SORCS1: variants seen among roughly 807,000 people sequenced by gnomAD.
SORCS1 encodes VPS10 domain-containing receptor SorCS1.
SORCS1 carries 60 observed loss-of-function variants against 146.1 expected under a neutral mutation model. The ratio of observed to expected loss-of-function variants is 0.41; its 90% CI spans 0.33 to 0.51. The LOEUF is 0.51. Among genes scored for constraint, SORCS1 ranks in the 20% least tolerant of loss-of-function variants. SORCS1 has a pLI of 0.21. For synonymous variants in SORCS1, 637 were observed against 584.0 expected, an observed-to-expected ratio of 1.09 and a Z score of -1.31; for missense variants, 1,352 against 1,487.6, an observed-to-expected ratio of 0.91 and a Z score of 1.50.
chr10:106,671,490 T>A, intron 15 of SORCS1, 123 bp from the exon 16 acceptor site: 2 of 1,364,908 alleles, frequency 1.5e-6, no homozygotes, highest in Non-Finnish European at 2.0e-6. Flanking sequence ...GTAGCCCTCT[T>A]TGTGCTAACA....
chr10:106,612,011 G>C lies in SORCS1; in HGVS notation c.2933C>G (p.Ser978Cys), dbSNP rs1429965465. The change falls in exon 22 of 26, where the codon TCT becomes TGT. Residue 978 changes from serine (S) to cysteine (C), a missense_variant. Coordinates refer to ENST00000263054, the MANE Select transcript of SORCS1 (RefSeq NM_052918.5). ...KTIAVYEEFR[S>C]LRLSFSPNLD... ...GTTTGGAGAAAAGGACAAGCGAAGA[G>C]ACCGGAATTCCTCTGGGGATATAAC... The C allele has an allele frequency of 6.2e-7, 1 of 1,613,914 alleles. No individual in the cohort carries two copies. The highest frequency in any genetic ancestry group is 1.1e-5 in the South Asian group (1 of 91,082).
chr10:106,652,330 A>AACCATGAGGGCC (rs1328175561), intron 18 of SORCS1, 52 bp downstream of exon 18: 10 of 1,468,106 alleles, frequency 6.8e-6, no homozygotes, highest in Non-Finnish European at 9.1e-6. Flanking sequence ...ATGGTTTATT[A>AACCATGAGGGCC]AGAAAAATCA....
intron 5 of SORCS1, among the ~76,000 whole-genome samples, chr10:106,731,606 G>A (rs11816659): frequency 7.2e-5 from 11 of 152,186 alleles, no homozygotes; most frequent in East Asian, 3.9e-4. Context: ...CTTTTCCTCC[G>A]ATCAGCAAGT....
the SORCS1 span, among the ~76,000 whole-genome samples, chr10:107,178,502 A>ATT: frequency 7.8e-6 from 1 of 128,108 alleles, no homozygotes; most frequent in Non-Finnish European, 1.8e-5. Flanking sequence ...ATATATATAT[A>ATT]TTTTTTTTTA....
intron 1 of SORCS1, among the ~76,000 whole-genome samples, chr10:107,160,888 A>G (rs914142964): frequency 6.6e-6 from 1 of 152,212 alleles, no homozygotes; most frequent in Non-Finnish European, 1.5e-5. Context: ...AAGGATTACT[A>G]TATAAATTTA....
At chr10:107,166,114 CA>C (rs1161901495), upstream of SORCS1, among the ~76,000 whole-genome samples, 1 of 152,168 alleles carries the variant, frequency 6.6e-6, no homozygotes, top group Non-Finnish European at 1.5e-5. Context: ...CATGTTATTA[CA>C]TTATTTAATG....
chr10:106,795,282 T>G (rs189173698), intron 3 of SORCS1, among the ~76,000 whole-genome samples: 38 of 151,006 alleles, frequency 2.5e-4, no homozygotes, highest in Middle Eastern at 6.8e-3. Flanking sequence ...AATCTAGTTG[T>G]TTTTTTTTGT....
At chr10:106,891,209 T>C (rs1488567974) in intron 2 of SORCS1, among the ~76,000 whole-genome samples, 1 of 152,136 alleles carries the variant, frequency 6.6e-6, no homozygotes, top group African/African-American at 2.4e-5. Context: ...CTGGAGTACT[T>C]GATGAAATTA....
At chr10:106,860,311 A>G (rs185054324) in intron 2 of SORCS1, among the ~76,000 whole-genome samples, 3 of 152,334 alleles carry the variant, frequency 2.0e-5, no homozygotes, top group Admixed American at 1.3e-4. Context: ...CTATCTTTTG[A>G]TACAACCCCA....
chr10:106,846,063 C>T lies in SORCS1; in HGVS notation c.627-16390G>A, dbSNP rs1239954593. Among the ~76,000 whole-genome samples the T allele has an allele frequency of 9.7e-5, 11 of 112,924 alleles. 1 individual carries two copies. Among genetic ancestry groups the T allele is most frequent in the Non-Finnish European group, 6.3e-5 (3 of 47,974 alleles). 74.1% of individuals were successfully genotyped at this position (112,924 alleles called of 152,430 possible). A position where few individuals can be genotyped will look rare whatever the true frequency, so the allele number is the denominator to read the frequency against. On this transcript the variant is annotated intron_variant, in intron 2 of 25. Coordinates refer to ENST00000263054, the MANE Select transcript of SORCS1 (RefSeq NM_052918.5). Reference sequence around the variant, plus strand: ...TTGGCTTAGGATTGACTTGGCGATGCGGGCTCTTTTTTGGTTCCATATGAA... The same window carrying T: ...TTGGCTTAGGATTGACTTGGCGATGTGGGCTCTTTTTTGGTTCCATATGAA...
rs76856910 is a variant in SORCS1 at position 106,734,205 on chromosome 10, C to A, written c.960-4091G>T. 8.5e-3 allele frequency among the ~76,000 whole-genome samples: 1,292 copies of A among 152,230 alleles called. 20 individuals are homozygous for A. Among genetic ancestry groups the A allele is most frequent in the African/African-American group, 0.03 (1,229 of 41,532 alleles). On this transcript the variant is annotated intron_variant, in intron 5 of 25. Coordinates refer to ENST00000263054, the MANE Select transcript of SORCS1 (RefSeq NM_052918.5). Reference sequence around the variant, plus strand: ...CTTTATGTTGAACTAGGAAAATGAACTCCCTTCTTGAAGTGAATTTTATGG... The same window carrying A: ...CTTTATGTTGAACTAGGAAAATGAAATCCCTTCTTGAAGTGAATTTTATGG...
chr10:106,999,483 T>A (rs1957128870), intron 1 of SORCS1, among the ~76,000 whole-genome samples: 1 of 152,240 alleles, frequency 6.6e-6, no homozygotes, highest in Non-Finnish European at 1.5e-5. Context: ...CACCATTTGT[T>A]TCATTTAAGA....
At chr10:106,756,343 C>A (rs1858638357) in intron 5 of SORCS1, among the ~76,000 whole-genome samples, 1 of 152,152 alleles carries the variant, frequency 6.6e-6, no homozygotes, top group Non-Finnish European at 1.5e-5. Context: ...AGAAGCATCT[C>A]ATTTGATGAA....
intron 1 of SORCS1, among the ~76,000 whole-genome samples, chr10:106,979,318 T>C (rs974766562): frequency 1.3e-5 from 2 of 152,080 alleles, no homozygotes; most frequent in Non-Finnish European, 2.9e-5. Flanking sequence ...AAAAAAGATA[T>C]GCATGTGGAA....
At chr10:106,934,418 G>A (rs61867177) in intron 2 of SORCS1, among the ~76,000 whole-genome samples, 132 of 151,188 alleles carry the variant, frequency 8.7e-4, no homozygotes, top group African/African-American at 2.8e-3. Flanking sequence ...CACCACACCC[G>A]GCTAATTTTT....
chr10:107,025,921 G>C (rs1415531621), intron 1 of SORCS1, among the ~76,000 whole-genome samples: 2 of 152,326 alleles, frequency 1.3e-5, no homozygotes, highest in Admixed American at 1.3e-4. Context: ...ATAAGCCCTG[G>C]AATGGTTGAA....
rs142037289 is a variant in SORCS1 at position 106,598,289 on chromosome 10, G to C, written c.3166-839C>G. Among the ~76,000 whole-genome samples the C allele has an allele frequency of 0.013, 1,898 of 143,080 alleles. 101 individuals carry two copies. The East Asian group carries it at 0.21, about 16-fold the overall frequency. The allele number at this position is 143,080 out of a possible 152,430, so 93.9% of individuals were successfully genotyped here. ...TATTATTATTATTATTTGAGATGGA[G>C]TCTTGCTCTCTTGCCAGGCTGGAGT... On this transcript the variant is annotated intron_variant, in intron 23 of 25. Coordinates refer to ENST00000263054, the MANE Select transcript of SORCS1 (RefSeq NM_052918.5).
At chr10:106,919,534 T>A (rs1952603944) in intron 2 of SORCS1, among the ~76,000 whole-genome samples, 1 of 152,172 alleles carries the variant, frequency 6.6e-6, no homozygotes. Flanking sequence ...TTGGTTTAAG[T>A]GCCTTGGCTG....
intron 3 of SORCS1, among the ~76,000 whole-genome samples, chr10:106,785,813 AGAGGGGGTCATCCAG>A (rs1338688004): frequency 6.6e-6 from 1 of 152,178 alleles, no homozygotes; most frequent in Non-Finnish European, 1.5e-5. Flanking sequence ...AGATGGGCCT[AGAGGGGGTCATCCAG>A]GAGGAAGCCT....
Sources: gnomAD v4.1 joint callset for allele counts (sites outside exome capture counted in the v4.1 genomes callset) on GRCh38, gnomAD v4.1.1 for gene constraint, MANE v1.5 for transcripts, NCBI Gene and HGNC (gene_info 2026-07-23, HGNC 2026-07-21) for gene names.